MCC: variants seen among roughly 807,000 people sequenced by gnomAD.
MCC encodes the protein colorectal mutant cancer protein.
Under a neutral mutation model 116.2 loss-of-function variants are expected in MCC, and 90 were observed. The ratio of observed to expected loss-of-function variants is 0.77; its 90% CI spans 0.65 to 0.92. MCC has a LOEUF of 0.92. Ranked by LOEUF, MCC falls within the 40% of genes least tolerant of loss-of-function variation. The pLI, the probability that MCC is intolerant of heterozygous loss-of-function variation, is 0.00. For missense variants in MCC, 1,516 were observed against 1,312.2 expected, an observed-to-expected ratio of 1.16 and a Z score of -2.40; for synonymous variants, 578 against 510.5, an observed-to-expected ratio of 1.13 and a Z score of -1.78.
intron 8 of MCC, among the ~76,000 whole-genome samples, chr5:113,097,977 C>A (rs1402382474): frequency 2.6e-5 from 4 of 152,148 alleles, no homozygotes; most frequent in Non-Finnish European, 5.9e-5. Context: ...CCAGGTAGAG[C>A]ACAGTGTGTA....
At chr5:113,292,665 G>A (rs934791694) in intron 3 of MCC, among the ~76,000 whole-genome samples, 2 of 152,168 alleles carry the variant, frequency 1.3e-5, no homozygotes, top group Admixed American at 6.5e-5. Context: ...TAGGACTAAA[G>A]TCAATTCACA....
intron 1 of MCC, among the ~76,000 whole-genome samples, chr5:113,411,611 A>T (rs1308547942): frequency 6.6e-6 from 1 of 151,956 alleles, no homozygotes; most frequent in Non-Finnish European, 1.5e-5. Context: ...AATGTCACCC[A>T]CAATCTATAA....
rs145796150 is a variant in MCC, at chr5:113,204,287, G to C, written c.628-52865C>G. ...GAAGTAATGAAGCCATCACACAGCA[G>C]ATGAAGGCCTTTGCACACAAAGCTC... is the stretch of plus-strand genomic sequence containing the variant. On this transcript the variant is annotated intron_variant, in intron 3 of 18. Coordinates refer to ENST00000408903, the MANE Select transcript of MCC (RefSeq NM_001085377.2). Among the ~76,000 whole-genome samples, 214 of 152,312 alleles carry C rather than the reference G, an allele frequency of 1.4e-3. 4 individuals carry two copies. The highest frequency in any genetic ancestry group is 0.014 in the Middle Eastern group (4 of 294).
chr5:113,290,665 T>C (rs886355420), intron 3 of MCC, among the ~76,000 whole-genome samples: 2 of 152,176 alleles, frequency 1.3e-5, no homozygotes, highest in African/African-American at 2.4e-5. Flanking sequence ...CCAAGACCAA[T>C]AGAGCTAACT....
intron 1 of MCC, among the ~76,000 whole-genome samples, chr5:113,392,422 A>G (rs1271756824): frequency 6.6e-6 from 1 of 152,182 alleles, no homozygotes; most frequent in African/African-American, 2.4e-5. Context: ...TTAGTCTTAC[A>G]ATACCAAGTG....
rs571556313 is a variant in MCC, at chr5:113,135,238, G to A, written c.884+7980C>T. Among the ~76,000 whole-genome samples the A allele has an allele frequency of 2.8e-4, 41 of 148,692 alleles. 1 individual carries two copies. In the South Asian group the frequency reaches 7.9e-3, roughly 29 times the overall value. On this transcript the variant is annotated intron_variant, in intron 5 of 18. Transcript: ENST00000408903. ...CAGGCGTGAGCCACTGTGCCCAGTC[G>A]GTCTTTTACTTCTTTGGTTAAATTT...
chr5:113,118,071 C>A (rs1254145714), intron 6 of MCC, among the ~76,000 whole-genome samples: 1 of 152,222 alleles, frequency 6.6e-6, no homozygotes, highest in Non-Finnish European at 1.5e-5. Flanking sequence ...TGGCCTTGGA[C>A]AAGTGACTTA....
At chr5:113,440,243 G>C (rs1048436027) in intron 1 of MCC, among the ~76,000 whole-genome samples, 12 of 152,214 alleles carry the variant, frequency 7.9e-5, no homozygotes, top group South Asian at 6.2e-4. Flanking sequence ...TTATTCCCCT[G>C]CTTGAAATTC....
intron 3 of MCC, among the ~76,000 whole-genome samples, chr5:113,204,194 A>G (rs1000854358): frequency 6.6e-6 from 1 of 152,208 alleles, no homozygotes; most frequent in Non-Finnish European, 1.5e-5. Context: ...CATCAGCATT[A>G]TGGGCAAGAA....
chr5:113,244,585 T>C (rs1282107650), intron 3 of MCC, among the ~76,000 whole-genome samples: 1 of 152,202 alleles, frequency 6.6e-6, no homozygotes, highest in African/African-American at 2.4e-5. Context: ...TCTCTCATGA[T>C]TGAAATTTAC....
intron 1 of MCC, among the ~76,000 whole-genome samples, chr5:113,402,699 C>T (rs755567696): frequency 4.6e-5 from 7 of 152,054 alleles, no homozygotes; most frequent in Admixed American, 2.6e-4. Flanking sequence ...AATATTATAG[C>T]ACAAGAAGCA....
chr5:113,282,551 A>G (rs956803874), intron 3 of MCC, among the ~76,000 whole-genome samples: 2 of 152,140 alleles, frequency 1.3e-5, no homozygotes, highest in Non-Finnish European at 2.9e-5. Context: ...GAGAGAGGAT[A>G]CCAAATTTGA....
At chr5:113,058,215 A>C (rs1299684738) in intron 14 of MCC, among the ~76,000 whole-genome samples, 1 of 152,252 alleles carries the variant, frequency 6.6e-6, no homozygotes, top group South Asian at 2.1e-4. Flanking sequence ...TAAAATAAAA[A>C]TCACAAAATT....
chr5:113,375,484 C>T (rs1415527380), intron 2 of MCC, among the ~76,000 whole-genome samples: 1 of 152,312 alleles, frequency 6.6e-6, no homozygotes, highest in South Asian at 2.1e-4. Flanking sequence ...AAAACAGCAA[C>T]AATTTACTGT....
At chr5:113,363,161 C>A (rs1174722307) in intron 2 of MCC, among the ~76,000 whole-genome samples, 2 of 152,136 alleles carry the variant, frequency 1.3e-5, no homozygotes, top group Non-Finnish European at 2.9e-5. Flanking sequence ...CCTGTAATCC[C>A]AGCTATTCAG....
intron 3 of MCC, among the ~76,000 whole-genome samples, chr5:113,253,847 G>C (rs1196022046): frequency 2.0e-5 from 3 of 152,086 alleles, no homozygotes; most frequent in Non-Finnish European, 2.9e-5. Context: ...ATATAGAAAA[G>C]ATTGCATATT....
intron 1 of MCC, among the ~76,000 whole-genome samples, chr5:113,413,158 C>G (rs1445104143): frequency 6.6e-6 from 1 of 152,122 alleles, no homozygotes; most frequent in African/African-American, 2.4e-5. Flanking sequence ...TGATGTGCTG[C>G]TGGATTCGGT....
At position 113,080,535 on chromosome 5, in the gene MCC, C is replaced by T. The variant is rs141679514; in HGVS notation, c.1784+2325G>A. ...GGATGAAGCTGGAAACCATCATTCT[C>T]AGCAAACTATCACAAGGACAGAAAA... On this transcript the variant is annotated intron_variant, in intron 11 of 18. Coordinates refer to ENST00000408903, the MANE Select transcript of MCC (RefSeq NM_001085377.2). Among the ~76,000 whole-genome samples the T allele has an allele frequency of 6.4e-3, 977 of 152,250 alleles. 6 individuals carry two copies. Among genetic ancestry groups the T allele is most frequent in the Non-Finnish European group, 0.011 (761 of 68,022 alleles).
intron 17 of MCC, among the ~76,000 whole-genome samples, chr5:113,039,577 G>T (rs941561138): frequency 6.6e-6 from 1 of 152,138 alleles, no homozygotes; most frequent in Non-Finnish European, 1.5e-5. Flanking sequence ...CTCACTCATC[G>T]GCAAGCAAGC....
Sources: gnomAD v4.1 joint callset for allele counts (sites outside exome capture counted in the v4.1 genomes callset) on GRCh38, gnomAD v4.1.1 for gene constraint, MANE v1.5 for transcripts, NCBI Gene and HGNC (gene_info 2026-07-23, HGNC 2026-07-21) for gene names.